Variants in ANKRD11 observed in about 807,000 individuals in gnomAD.
ANKRD11 encodes ankyrin repeat domain 11.
In ANKRD11, 17 loss-of-function variants were observed where a neutral mutation model predicts 195.7. That is an observed-to-expected ratio of 0.09 (90% CI 0.06 to 0.13). The LOEUF (loss-of-function observed/expected upper bound fraction) is 0.13, where lower values mean the gene tolerates loss of function less well. ANKRD11 is among the 10% of genes least tolerant of loss of function. The pLI, the probability that ANKRD11 is intolerant of heterozygous loss-of-function variation, is 1.00. For synonymous variants in ANKRD11, 1,953 were observed against 1,528.1 expected (o/e 1.28, Z -6.49); for missense variants, 3,735 against 3,566.1 (o/e 1.05, Z -1.21).
intron 6 of ANKRD11, among the ~76,000 whole-genome samples, chr16:89,289,827 G>C (rs570709562): frequency 2.0e-5 from 3 of 152,332 alleles, no homozygotes; most frequent in South Asian, 4.1e-4. Flanking sequence ...GACTGCTTGA[G>C]GCCATGAGTT....
At chr16:89,276,442 A>G (rs778938402) in intron 9 of ANKRD11, among the ~76,000 whole-genome samples, 1 of 152,220 alleles carries the variant, frequency 6.6e-6, no homozygotes, top group Admixed American at 6.5e-5. Context: ...CTCATGGTGG[A>G]CGGGCCTGAC....
Position 89,288,525 on chromosome 16 carries a change from A to T in ANKRD11, c.744+3T>A, listed in dbSNP as rs773487189. The stretch of plus-strand genomic sequence containing the variant: ...GATGTGTGAAGAACGGGGGGATGCC[A>T]ACCTTGTAGTGCCCGTTGTTGGCAG... On this transcript the variant is annotated splice_donor_region_variant and intron_variant, in intron 7 of 12. Transcript: ENST00000301030. The T allele has an allele frequency of 1.2e-6, 2 of 1,614,108 alleles. No homozygotes were observed.
chr16:89,441,737 A>G (rs1193874352), intron 1 of ANKRD11, among the ~76,000 whole-genome samples: 3 of 130,440 alleles, frequency 2.3e-5, no homozygotes, highest in Admixed American at 9.5e-5. Flanking sequence ...ACTGCACTCC[A>G]GCCTGGGCAA....
chr16:89,294,307 A>G (rs1355396264), intron 4 of ANKRD11, among the ~76,000 whole-genome samples: 1 of 151,926 alleles, frequency 6.6e-6, no homozygotes. Flanking sequence ...TCTGCCCCAC[A>G]CTCAGGAAAA....
chr16:89,281,301 G>A lies in ANKRD11; in HGVS notation c.5241C>T (p.Pro1747=), dbSNP rs772552969. The change falls in exon 9 of 13, where the codon CCC becomes CCT. Residue 1747 remains proline (P), a synonymous_variant. Transcript: ENST00000301030. This position sits in a 1 kb window ranked among gnomAD's most constrained non-coding sequence, Gnocchi z 5.5. ...FDCADSQHST[P]VPTAPTSACS... is the part of the protein sequence containing the mutation. ...AGGCGCTGGTGGGAGCGGTGGGCAC[G>A]GGCGTGGAGTGCTGCGAGTCGGCGC... 3.0e-5 allele frequency: 49 copies of A among 1,614,056 alleles called. No individual in the cohort carries two copies. The highest frequency in any genetic ancestry group is 3.3e-5 in the Admixed American group (2 of 60,004).
In ANKRD11 at chr16:89,384,874, G is replaced by GTTTTT. The variant is rs1257714722; in HGVS notation, c.-60+33409_-60+33410insAAAAA. Among the ~76,000 whole-genome samples, 51 of 72,760 alleles carry GTTTTT rather than the reference G, an allele frequency of 7.0e-4. 1 individual carries two copies. The highest frequency in any genetic ancestry group is 2.5e-3 in the African/African-American group (45 of 17,778). 47.7% of individuals were successfully genotyped at this position (72,760 alleles called of 152,430 possible). A position where few individuals can be genotyped will look rare whatever the true frequency, so the allele number is the denominator to read the frequency against. On this transcript the variant is annotated intron_variant, in intron 2 of 12. Coordinates refer to ENST00000301030, the MANE Select transcript of ANKRD11 (RefSeq NM_013275.6). ...GTGTGGGAGCACACAATGAGAAATA[G>GTTTTT]TTTTCTTTTTTTTTTTTTTTTTTTT...
intron 3 of ANKRD11, among the ~76,000 whole-genome samples, chr16:89,306,447 C>T (rs1256834392): frequency 8.3e-5 from 9 of 108,540 alleles, no homozygotes; most frequent in African/African-American, 3.5e-4. Flanking sequence ...CCTCCCACTC[C>T]GCAGACACGC....
Position 89,274,133 on chromosome 16 carries a change from G to A in ANKRD11, c.7713+681C>T, listed in dbSNP as rs143381301. Among the ~76,000 whole-genome samples, 641 of 152,308 alleles carry A rather than the reference G, an allele frequency of 4.2e-3. 11 individuals are homozygous for A. Among genetic ancestry groups the A allele is most frequent in the Non-Finnish European group, 1.1e-3 (76 of 68,022 alleles). ...CTGAGGCAGGAGTCCCTGGCACATG[G>A]GCTGCTTGAAGGCAGACAGGAAGAG... is the stretch of plus-strand genomic sequence containing the variant. On this transcript the variant is annotated intron_variant, in intron 11 of 12. Transcript: ENST00000301030.
At chr16:89,328,637 A>C (rs1352279662) in intron 2 of ANKRD11, among the ~76,000 whole-genome samples, 130 of 143,550 alleles carry the variant, frequency 9.1e-4, no homozygotes, top group Middle Eastern at 3.8e-3. Context: ...CACACCCAGG[A>C]GCACGGGCGA....
At chr16:89,326,526 T>C (rs2037731955) in intron 2 of ANKRD11, among the ~76,000 whole-genome samples, 1 of 152,056 alleles carries the variant, frequency 6.6e-6, no homozygotes, top group Admixed American at 6.5e-5. Flanking sequence ...AGGGGGGTCA[T>C]TTGGGCCCAA....
At chr16:89,384,896 T>G (rs1354603651) in intron 2 of ANKRD11, among the ~76,000 whole-genome samples, 4 of 129,308 alleles carry the variant, frequency 3.1e-5, no homozygotes, top group African/African-American at 1.2e-4. Context: ...TTTTTTTTTT[T>G]TTTTTTTTTT....
rs543447988 is a variant in ANKRD11, at chr16:89,342,357, G to A, written c.-59-25279C>T. ...ATGCAGCCCATTTCACCTGAGAGTCGGAAAACGTTGAACTCCCCAGAGATG... is the reference window on the plus strand; with the variant it reads ...ATGCAGCCCATTTCACCTGAGAGTCAGAAAACGTTGAACTCCCCAGAGATG... On this transcript the variant is annotated intron_variant, in intron 2 of 12. Transcript: ENST00000301030. Among the ~76,000 whole-genome samples the A allele has an allele frequency of 1.2e-4, 18 of 152,352 alleles. 1 individual carries two copies. The highest frequency in any genetic ancestry group is 2.6e-4 in the African/African-American group (11 of 41,582).
In ANKRD11 at chr16:89,284,892, A is replaced by C. The variant is rs763666225; in HGVS notation, c.1650T>G (p.Asn550Lys). Residue 550 changes from asparagine (N) to lysine (K), a missense_variant, in exon 9 of 13, where the codon AAT becomes AAG. Physicochemically the swap from Asn to Lys is moderately conservative, Grantham distance 94 (BLOSUM62 0). Transcript: ENST00000301030. ...AAGCCGGGGAAGAAATGGTTTTCCA[A>C]TTGTCTGTCCGCCAGTGCTTGGTGT... Reference protein sequence around the residue: ...DQHTKHWRTDNWKTISSPAWS... With the variant: ...DQHTKHWRTDKWKTISSPAWS... The C allele has an allele frequency of 5.0e-6, 8 of 1,614,056 alleles. No individual in the cohort carries two copies. Among genetic ancestry groups the C allele is most frequent in the Non-Finnish European group, 6.8e-6 (8 of 1,180,004 alleles).
In ANKRD11 at chr16:89,282,099, C is replaced by T. The variant is rs377279757; in HGVS notation, c.4443G>A (p.Ala1481=). ...DEKERHRDRH[A]DGLLRHHRDE... ...CCCTGTGATGCCGCAGCAGCCCATC[C>T]GCATGCCTGTCCCGGTGCCTCTCCT... Residue 1481 remains alanine (A), a synonymous_variant, in exon 9 of 13, where the codon GCG becomes GCA. Transcript: ENST00000301030. 112 of 1,613,858 alleles carry T rather than the reference C, an allele frequency of 6.9e-5. No individual in the cohort carries two copies. The highest frequency in any genetic ancestry group is 8.8e-5 in the Non-Finnish European group (104 of 1,179,974).
At chr16:89,474,643 T>C (rs1051386682) in intron 1 of ANKRD11, among the ~76,000 whole-genome samples, 6 of 152,114 alleles carry the variant, frequency 3.9e-5, no homozygotes, top group African/African-American at 1.4e-4. Flanking sequence ...ACACACATGA[T>C]GCCAACCCCA....
At chr16:89,313,444 C>T (rs769196079) in intron 3 of ANKRD11, 147 of 1,289,164 alleles carry the variant, frequency 1.1e-4, no homozygotes, top group East Asian at 8.3e-4. Flanking sequence ...TTCTCTGACA[C>T]GCCTGCCACT....
rs776877065 is a variant in ANKRD11, at chr16:89,282,870, G to A, written c.3672C>T (p.Ala1224=). The change falls in exon 9 of 13, where the codon GCC becomes GCT. Residue 1224 remains alanine (A), a synonymous_variant. Transcript: ENST00000301030. ...TEKYKDRKDR[A]SVDSTQDKKN... Reference sequence around the variant, plus strand: ...TCTTATCTTGCGTGGAGTCCACTGAGGCTCTGTCCTTCCTGTCCTTGTACT... The same window carrying A: ...TCTTATCTTGCGTGGAGTCCACTGAAGCTCTGTCCTTCCTGTCCTTGTACT... 13 of 1,612,700 alleles carry A rather than the reference G, an allele frequency of 8.1e-6. No homozygotes were observed. Among genetic ancestry groups the A allele is most frequent in the East Asian group, 2.2e-5 (1 of 44,866 alleles).
chr16:89,315,705 G>A (rs944943115), intron 3 of ANKRD11, among the ~76,000 whole-genome samples: 9 of 152,206 alleles, frequency 5.9e-5, no homozygotes, highest in Admixed American at 5.9e-4. Flanking sequence ...CAGACATCAA[G>A]GGTCTCAGAG....
At chr16:89,454,224 G>A (rs2056326262) in intron 1 of ANKRD11, among the ~76,000 whole-genome samples, 1 of 152,078 alleles carries the variant, frequency 6.6e-6, no homozygotes. Flanking sequence ...AGCAAGTGTG[G>A]GCAGCTGTAG....
Sources: gnomAD v4.1 joint callset for allele counts (sites outside exome capture counted in the v4.1 genomes callset) on GRCh38, gnomAD v4.1.1 for gene constraint, Gnocchi (gnomAD v3.1) non-coding constraint, MANE v1.5 for transcripts, NCBI Gene and HGNC (gene_info 2026-07-23, HGNC 2026-07-21) for gene names.